ZGRF1: variants seen among roughly 807,000 people sequenced by gnomAD.
ZGRF1 encodes the protein zinc finger GRF-type containing 1, also known as 5'-3' DNA helicase ZGRF1.
Under a neutral mutation model 203.5 loss-of-function variants are expected in ZGRF1, and 196 were observed. The ratio of observed to expected loss-of-function variants is 0.96; its 90% CI spans 0.86 to 1.08. ZGRF1 has a LOEUF of 1.08. ZGRF1 is among the 50% of genes least tolerant of loss of function. The pLI is 0.00. For synonymous variants in ZGRF1, 809 were observed against 841.3 expected (o/e 0.96, Z 0.66); for missense variants, 2,326 against 2,416.3 (o/e 0.96, Z 0.78).
Position 112,540,974 on chromosome 4 carries a change from C to A in ZGRF1, c.5776-19G>T, listed in dbSNP as rs1179051255. 14 of 1,557,792 alleles carry A rather than the reference C, an allele frequency of 9.0e-6. No individual in the cohort carries two copies. The South Asian group carries it at 1.5e-4, about 17-fold the overall frequency. Reference sequence around the variant, plus strand: ...TTTCTATCTGGAGTAAGAAATAGATCCTAAATTATATTTCCCAGAAAGGCT... The same window carrying A: ...TTTCTATCTGGAGTAAGAAATAGATACTAAATTATATTTCCCAGAAAGGCT... On this transcript the variant is annotated intron_variant, in intron 25 of 27. Coordinates refer to ENST00000505019, the MANE Select transcript of ZGRF1 (RefSeq NM_018392.5).
chr4:112,600,173 A>G (rs956201367), intron 10 of ZGRF1, among the ~76,000 whole-genome samples: 3 of 152,010 alleles, frequency 2.0e-5, no homozygotes, highest in Non-Finnish European at 2.9e-5. Flanking sequence ...CTGGGACTAG[A>G]GGCACGCAAC....
Position 112,563,113 on chromosome 4 carries a change from G to A in ZGRF1, c.4582+18C>T, listed in dbSNP as rs1054313684. The A allele has an allele frequency of 1.7e-5, 26 of 1,520,020 alleles. No individual in the cohort carries two copies. The highest frequency in any genetic ancestry group is 6.6e-5 in the Admixed American group (3 of 45,778). 94.2% of individuals were successfully genotyped at this position (1,520,020 alleles called of 1,614,324 possible). ...ATTCTTTTTAAATATAAACTAAAAT[G>A]AGCATAGTAATACTCACTGTTAGTG... is the stretch of plus-strand genomic sequence containing the variant. On this transcript the variant is annotated intron_variant, in intron 17 of 27. Transcript: ENST00000505019.
intron 12 of ZGRF1, 44 bp downstream of exon 12, chr4:112,587,236 T>C: frequency 6.6e-7 from 1 of 1,526,022 alleles, no homozygotes; most frequent in Non-Finnish European, 8.8e-7. Context: ...ATTCAGACAA[T>C]AACTATTGGA....
At chr4:112,614,800 C>A (rs2046811260) in intron 6 of ZGRF1, among the ~76,000 whole-genome samples, 1 of 151,796 alleles carries the variant, frequency 6.6e-6, no homozygotes, top group Non-Finnish European at 1.5e-5. Flanking sequence ...GCACTCCAGC[C>A]TGGGCAACAG....
chr4:112,580,072 A>G (rs1745940257), intron 16 of ZGRF1, among the ~76,000 whole-genome samples: 1 of 122,792 alleles, frequency 8.1e-6, no homozygotes, highest in Admixed American at 9.3e-5. Flanking sequence ...CTGGTACCAA[A>G]ACAGAGATAT....
intron 20 of ZGRF1, among the ~76,000 whole-genome samples, chr4:112,555,521 C>T (rs1001021274): frequency 3.3e-5 from 5 of 152,118 alleles, no homozygotes; most frequent in African/African-American, 9.7e-5. Context: ...GAAAAGATTT[C>T]GATTTTCACA....
chr4:112,589,394 T>C (rs1747766514), intron 11 of ZGRF1, among the ~76,000 whole-genome samples: 1 of 152,168 alleles, frequency 6.6e-6, no homozygotes, highest in Non-Finnish European at 1.5e-5. Context: ...CAATGAGTCA[T>C]TCCTCTGGAA....
In ZGRF1 at chr4:112,619,597, TAG is replaced by T. The variant is rs1197646258; in HGVS notation, c.443_444del (p.Pro148HisfsTer23). ...AASHEAKKTGPTIFSPFCSMP... is the reference protein window; with the variant it reads ...AASHEAKKTGXTIFSPFCSMP... ...ATGCTGCAGAATGGAGAAAAAATAGTAGGGCCAGTTTTCTTAGCCTCATGTGA... is the reference window on the plus strand; with the variant it reads ...ATGCTGCAGAATGGAGAAAAAATAGTGGCCAGTTTTCTTAGCCTCATGTGA... On this transcript the variant is annotated frameshift_variant, in exon 6 of 28. Coordinates refer to ENST00000505019, the MANE Select transcript of ZGRF1 (RefSeq NM_018392.5). LOFTEE classifies it high-confidence loss of function. The T allele has an allele frequency of 1.2e-6, 2 of 1,613,946 alleles. No individual in the cohort carries two copies. The highest frequency in any genetic ancestry group is 2.7e-5 in the African/African-American group (2 of 74,924).
At chr4:112,545,473 A>C (rs768339700) in intron 24 of ZGRF1, among the ~76,000 whole-genome samples, 2 of 152,182 alleles carry the variant, frequency 1.3e-5, no homozygotes. Context: ...ATATTCAAAA[A>C]CCAACAAGAA....
chr4:112,540,120 CAA>C lies in ZGRF1; in HGVS notation c.5913_5914del (p.Cys1972SerfsTer12), dbSNP rs1285333954. ...AAAGTCCACAGCACTGAGTAAATGACAAAGCTGTGGAAGAAAAAACAGCAATC... is the reference window on the plus strand; with the variant it reads ...AAAGTCCACAGCACTGAGTAAATGACAGCTGTGGAAGAAAAAACAGCAATC... On this transcript the variant is annotated frameshift_variant and splice_region_variant, in exon 27 of 28. Coordinates refer to ENST00000505019, the MANE Select transcript of ZGRF1 (RefSeq NM_018392.5). LOFTEE classifies it high-confidence loss of function. 6.5e-7 allele frequency: 1 copy of C among 1,543,484 alleles called. No homozygotes were observed. The highest frequency in any genetic ancestry group is 1.4e-5 in the African/African-American group (1 of 73,116).
At chr4:112,568,791 A>G (rs1743678699) in intron 16 of ZGRF1, among the ~76,000 whole-genome samples, 1 of 151,004 alleles carries the variant, frequency 6.6e-6, no homozygotes, top group Admixed American at 6.6e-5. Context: ...CAAGGCGGGC[A>G]GATTACAAGG....
intron 3 of ZGRF1, chr4:112,630,053 A>T (rs951097153): frequency 1.2e-5 from 2 of 167,334 alleles, no homozygotes; most frequent in African/African-American, 4.8e-5. Context: ...AGTTTTTTCA[A>T]CTTAAGTTGC....
At chr4:112,547,620 G>T (rs751542138) in intron 23 of ZGRF1, among the ~76,000 whole-genome samples, 18 of 152,182 alleles carry the variant, frequency 1.2e-4, no homozygotes, top group Admixed American at 1.0e-3. Flanking sequence ...TGCCCTCCCT[G>T]CACATAAAAC....
At position 112,562,389 on chromosome 4, in the gene ZGRF1, G is replaced by GT; in HGVS notation, c.4678dup (p.Thr1560AsnfsTer14). On this transcript the variant is annotated frameshift_variant, in exon 18 of 28. Transcript: ENST00000505019. LOFTEE classifies it high-confidence loss of function. ...GACTTACGTTGTTAACAGGTACTGTGTTAGAGGTAGAGTAGCTGGATTAAA... is the reference window on the plus strand; with the variant it reads ...GACTTACGTTGTTAACAGGTACTGTGTTTAGAGGTAGAGTAGCTGGATTAAA... 6.2e-7 allele frequency: 1 copy of GT among 1,600,546 alleles called. No homozygotes were observed. The highest frequency in any genetic ancestry group is 1.1e-5 in the South Asian group (1 of 89,562).
At position 112,586,572 on chromosome 4, in the gene ZGRF1, G is replaced by C; in HGVS notation, c.3789C>G (p.Gly1263=). ...GCCCACTTGGAAAGCACAGCTCAGA[G>C]CCACTTATCTCCTGCAATGGAATAA... The part of the protein sequence containing the change: ...YSVKDLQEIS[G]SELCFPSGQK... Residue 1263 remains glycine, a synonymous_variant, in exon 13 of 28, where the codon GGC becomes GGG. Transcript: ENST00000505019. 1.9e-6 allele frequency: 3 copies of C among 1,608,126 alleles called. No individual in the cohort carries two copies. Among genetic ancestry groups the C allele is most frequent in the Non-Finnish European group, 2.5e-6 (3 of 1,176,540 alleles).
At chr4:112,598,326 C>A (rs915628371) in intron 10 of ZGRF1, among the ~76,000 whole-genome samples, 2 of 152,034 alleles carry the variant, frequency 1.3e-5, no homozygotes, top group African/African-American at 4.8e-5. Context: ...ATTCAAAAAA[C>A]ACTAAGCAAA....
In ZGRF1 at chr4:112,618,964, T is replaced by G. The variant is rs372920853; in HGVS notation, c.1078A>C (p.Asn360His). The change falls in exon 6 of 28, where the codon AAT (asparagine) becomes CAT (histidine). Residue 360 changes from asparagine to histidine, a missense_variant. Transcript: ENST00000505019. ...AATGAAAGGTCTTTCAAATTAGAAT[T>G]TACATCATCTTCCTGGGCCTTGGGT... ...RKPKAQEDDV[N>H]SNLKDLSLQK... 1 of 1,613,766 alleles carries G rather than the reference T, an allele frequency of 6.2e-7. No homozygotes were observed. Among genetic ancestry groups the G allele is most frequent in the Non-Finnish European group, 8.5e-7 (1 of 1,179,880 alleles).
rs201904239 is a variant in ZGRF1, at chr4:112,618,237, G to A, written c.1805C>T (p.Thr602Ile). The A allele has an allele frequency of 5.2e-4, 833 of 1,613,862 alleles. 7 individuals carry two copies. The South Asian group carries it at 8.0e-3, about 16-fold the overall frequency. Residue 602 changes from threonine (T) to isoleucine (I), a missense_variant, in exon 6 of 28, where the codon ACA (threonine) becomes ATA (isoleucine). Physicochemically the swap from Thr to Ile is moderately conservative, Grantham distance 89. Coordinates refer to ENST00000505019, the MANE Select transcript of ZGRF1 (RefSeq NM_018392.5). ...LTSVSDKPTV[T>I]FPVKETLPSQ... ...TGGCAGAGTCTCTTTAACAGGAAATGTCACTGTAGGTTTGTCACTAACAGA... is the reference window on the plus strand; with the variant it reads ...TGGCAGAGTCTCTTTAACAGGAAATATCACTGTAGGTTTGTCACTAACAGA...
At chr4:112,631,621 G>A (rs945870829) in intron 3 of ZGRF1, among the ~76,000 whole-genome samples, 2 of 152,194 alleles carry the variant, frequency 1.3e-5, no homozygotes, top group East Asian at 3.9e-4. Context: ...GCAGTGAGCC[G>A]AGATCGTGCC....
Sources: gnomAD v4.1 joint callset for allele counts (sites outside exome capture counted in the v4.1 genomes callset) on GRCh38, gnomAD v4.1.1 for gene constraint, MANE v1.5 for transcripts, NCBI Gene and HGNC (gene_info 2026-07-23, HGNC 2026-07-21) for gene names.